Variants in PAPSS1 observed in about 807,000 individuals in gnomAD.
PAPSS1 encodes bifunctional 3'-phosphoadenosine 5'-phosphosulfate synthase 1.
Under a neutral mutation model 72.0 loss-of-function variants are expected in PAPSS1, and 50 were observed. The observed-to-expected ratio is 0.69, with a 90% CI of 0.55 to 0.88. The LOEUF (loss-of-function observed/expected upper bound fraction) is 0.88. Ranked by LOEUF, PAPSS1 falls within the 40% of genes least tolerant of loss-of-function variation. The pLI is 0.00. For missense variants in PAPSS1, 657 were observed against 782.2 expected, an observed-to-expected ratio of 0.84 and a Z score of 1.91; for synonymous variants, 261 against 263.6, an observed-to-expected ratio of 0.99 and a Z score of 0.09.
chr4:107,702,536 G>T (rs1723231227), intron 1 of PAPSS1, among the ~76,000 whole-genome samples: 1 of 152,118 alleles, frequency 6.6e-6, no homozygotes. Flanking sequence ...CGCAGTCCCT[G>T]ATAAACACCA....
chr4:107,683,427 A>T (rs1375983551), intron 4 of PAPSS1, among the ~76,000 whole-genome samples: 2 of 152,146 alleles, frequency 1.3e-5, no homozygotes, highest in Non-Finnish European at 1.5e-5. Context: ...AAATGCGGTG[A>T]TATACTGGAA....
chr4:107,711,959 C>A (rs576870119), intron 1 of PAPSS1, among the ~76,000 whole-genome samples: 3 of 152,302 alleles, frequency 2.0e-5, no homozygotes, highest in Admixed American at 2.0e-4. Flanking sequence ...CTGGCATGGC[C>A]TGGCTGCTTG....
intron 3 of PAPSS1, among the ~76,000 whole-genome samples, chr4:107,692,659 C>T (rs1722960399): frequency 6.6e-6 from 1 of 152,066 alleles, no homozygotes; most frequent in Non-Finnish European, 1.5e-5. Context: ...GAGTATAAGT[C>T]ACTCTATTAC....
chr4:107,645,080 G>T lies in PAPSS1; in HGVS notation c.1238-10C>A. The stretch of plus-strand genomic sequence containing the variant: ...AATGCAAAGACAGCATCTGAAAAGA[G>T]AATTTCCAGAGTTAAGAATAGCATG... On this transcript the variant is annotated splice_polypyrimidine_tract_variant and intron_variant, in intron 9 of 11. Transcript: ENST00000265174. 4 of 1,489,032 alleles carry T rather than the reference G, an allele frequency of 2.7e-6. No individual in the cohort carries two copies. The highest frequency in any genetic ancestry group is 3.6e-6 in the Non-Finnish European group (4 of 1,117,524). 92.2% of individuals were successfully genotyped at this position (1,489,032 alleles called of 1,614,324 possible).
chr4:107,705,696 G>A (rs1723323592), intron 1 of PAPSS1, among the ~76,000 whole-genome samples: 1 of 152,164 alleles, frequency 6.6e-6, no homozygotes, highest in African/African-American at 2.4e-5. Context: ...ATTCATACCG[G>A]AGATATAAAT....
rs1299913811 is a variant in PAPSS1, at chr4:107,645,032, T to C, written c.1276A>G (p.Asn426Asp). Residue 426 changes from asparagine (N) to aspartate (D), a missense_variant, in exon 10 of 12, where the codon AAT (asparagine) becomes GAT (aspartate). Physicochemically the swap from Asn to Asp is conservative, Grantham distance 23 (BLOSUM62 1). This residue lies in a region of PAPSS1 where 166 missense variants were observed against 228.3 expected (regional missense o/e 0.73). Transcript: ENST00000265174. ...TCCTGCATTAACAGGGCATGTCCATTGTGCACTGGGTTGCGTAGTTGAAAT... is the reference window on the plus strand; with the variant it reads ...TCCTGCATTAACAGGGCATGTCCATCGTGCACTGGGTTGCGTAGTTGAAAT... ...FAFQLRNPVHNGHALLMQDTH... is the reference protein window; with the variant it reads ...FAFQLRNPVHDGHALLMQDTH... 3 of 1,597,214 alleles carry C rather than the reference T, an allele frequency of 1.9e-6. No individual in the cohort carries two copies. The highest frequency in any genetic ancestry group is 2.6e-6 in the Non-Finnish European group (3 of 1,171,268).
chr4:107,646,390 T>G (rs950016841), intron 9 of PAPSS1, among the ~76,000 whole-genome samples: 2 of 151,510 alleles, frequency 1.3e-5, no homozygotes, highest in African/African-American at 4.8e-5. Flanking sequence ...TTTTTTTTTT[T>G]GTAGCACCGT....
At chr4:107,716,902 G>A (rs942000454) in intron 1 of PAPSS1, among the ~76,000 whole-genome samples, 3 of 152,068 alleles carry the variant, frequency 2.0e-5, no homozygotes, top group African/African-American at 7.2e-5. Context: ...CTTAACAGGA[G>A]CTATTATCCA....
Position 107,689,022 on chromosome 4 carries a change from A to G in PAPSS1, c.412-1845T>C, listed in dbSNP as rs115850257. Among the ~76,000 whole-genome samples, 696 of 152,260 alleles carry G rather than the reference A, an allele frequency of 4.6e-3. 7 individuals are homozygous for G. The highest frequency in any genetic ancestry group is 0.015 in the African/African-American group (615 of 41,552). On this transcript the variant is annotated intron_variant, in intron 3 of 11. Transcript: ENST00000265174. Reference sequence around the variant, plus strand: ...AGTCCTTCAGATGTTACTTCTAAATATTACACCAACCCAGTTTGCAATCTT... The same window carrying G: ...AGTCCTTCAGATGTTACTTCTAAATGTTACACCAACCCAGTTTGCAATCTT...
Position 107,670,865 on chromosome 4 carries a change from T to C in PAPSS1, c.670-10793A>G, listed in dbSNP as rs563045243. Among the ~76,000 whole-genome samples, 5 of 152,300 alleles carry C rather than the reference T, an allele frequency of 3.3e-5. No homozygotes were observed. The South Asian group carries it at 8.3e-4, about 25-fold the overall frequency. ...TGCCAGGTATAAATCATCTCAATTC[T>C]ATAAACAATGGAAAAATCAGTAAGT... On this transcript the variant is annotated intron_variant, in intron 5 of 11. Transcript: ENST00000265174.
At position 107,677,101 on chromosome 4, in the gene PAPSS1, A is replaced by T. The variant is rs906681017; in HGVS notation, c.669+4914T>A. On this transcript the variant is annotated intron_variant, in intron 5 of 11. Transcript: ENST00000265174. ...AAAACCCTAGAAGAAAACCTAGGCA[A>T]TACCATTCAGGACATAGGCATGGGC... Among the ~76,000 whole-genome samples the T allele has an allele frequency of 3.8e-3, 577 of 152,294 alleles. 7 individuals are homozygous for T. Among genetic ancestry groups the T allele is most frequent in the African/African-American group, 0.013 (540 of 41,550 alleles).
intron 1 of PAPSS1, 145 bp from the exon 2 acceptor site, chr4:107,701,430 T>C: frequency 1.8e-6 from 1 of 556,710 alleles, no homozygotes. Flanking sequence ...CTTAGAGTAC[T>C]GGCATGGTGT....
chr4:107,634,905 C>T (rs1726322300), intron 10 of PAPSS1, among the ~76,000 whole-genome samples: 1 of 148,386 alleles, frequency 6.7e-6, no homozygotes, highest in African/African-American at 2.5e-5. Context: ...TCACACCATT[C>T]TCCTGCCTCA....
intron 1 of PAPSS1, among the ~76,000 whole-genome samples, chr4:107,719,187 G>GTTTTTTTTTTTTTTTTTTTTTTT (rs9307313): frequency 6.8e-6 from 1 of 146,416 alleles, no homozygotes; most frequent in Non-Finnish European, 1.5e-5. Context: ...GAAATTGCTT[G>GTTTTTTTTTTTTTTTTTTTTTTT]TTTTTTTTTT....
rs990975224 is a variant in PAPSS1 at position 107,720,025 on chromosome 4, G to A, written c.60+95C>T. Reference sequence around the variant, plus strand: ...CCACCTCCGCGCTCCTGGAAGGATGGATGCGGAGGAGGCGGGAGAGAGGCG... The same window carrying A: ...CCACCTCCGCGCTCCTGGAAGGATGAATGCGGAGGAGGCGGGAGAGAGGCG... On this transcript the variant is annotated intron_variant, in intron 1 of 11. Transcript: ENST00000265174. 3.2e-6 allele frequency: 5 copies of A among 1,557,468 alleles called. No homozygotes were observed. The African/African-American group carries it at 7.0e-5, about 22-fold the overall frequency.
chr4:107,639,617 C>T (rs1292316218), intron 10 of PAPSS1, among the ~76,000 whole-genome samples: 1 of 152,154 alleles, frequency 6.6e-6, no homozygotes, highest in African/African-American at 2.4e-5. Flanking sequence ...ACTCAATAAA[C>T]TTTGGAACAA....
chr4:107,697,754 G>A (rs1257783453), intron 2 of PAPSS1, among the ~76,000 whole-genome samples: 1 of 152,106 alleles, frequency 6.6e-6, no homozygotes, highest in African/African-American at 2.4e-5. Flanking sequence ...AGCTCTACTG[G>A]GTTGAATAGT....
chr4:107,647,368 A>G (rs1578396553), intron 9 of PAPSS1, among the ~76,000 whole-genome samples: 1 of 152,200 alleles, frequency 6.6e-6, no homozygotes, highest in African/African-American at 2.4e-5. Flanking sequence ...GCTGGACTGG[A>G]TTCATTGATT....
At chr4:107,665,585 C>T (rs1727294317) in intron 5 of PAPSS1, among the ~76,000 whole-genome samples, 2 of 152,134 alleles carry the variant, frequency 1.3e-5, no homozygotes, top group African/African-American at 2.4e-5. Flanking sequence ...TCACCCAGCA[C>T]TGAAGGGTAA....
Sources: gnomAD v4.1 joint callset for allele counts (sites outside exome capture counted in the v4.1 genomes callset) on GRCh38, gnomAD v4.1.1 for gene constraint, gnomAD v4.1.1 regional missense constraint, MANE v1.5 for transcripts, NCBI Gene and HGNC (gene_info 2026-07-23, HGNC 2026-07-21) for gene names.